The following UNC13C variants were observed in gnomAD, a reference collection of about 807,000 sequenced individuals.
UNC13C encodes the protein unc-13 homolog C, also known as protein unc-13 homolog C.
In UNC13C, 174 loss-of-function variants were observed where a neutral mutation model predicts 245.4. That is an observed-to-expected ratio of 0.71 (90% CI 0.63 to 0.80). UNC13C has a LOEUF of 0.80. Ranked by LOEUF, UNC13C falls within the 30% of genes least tolerant of loss-of-function variation. UNC13C has a pLI of 0.00. For synonymous variants in UNC13C, 992 were observed against 895.1 expected (o/e 1.11, Z -1.93); for missense variants, 2,829 against 2,602.9 (o/e 1.09, Z -1.89).
At chr15:54,007,270 G>A (rs1483377017) in intron 1 of UNC13C, among the ~76,000 whole-genome samples, 1 of 152,074 alleles carries the variant, frequency 6.6e-6, no homozygotes, top group Non-Finnish European at 1.5e-5. Context: ...TTAAGACTAA[G>A]GTTATTCTAT....
intron 17 of UNC13C, among the ~76,000 whole-genome samples, chr15:54,343,344 G>C (rs2038781335): frequency 1.3e-5 from 2 of 151,952 alleles, no homozygotes; most frequent in Non-Finnish European, 2.9e-5. Context: ...CGTTAGCCAG[G>C]CTGGGCTCGA....
intron 2 of UNC13C, among the ~76,000 whole-genome samples, chr15:54,041,854 G>A (rs1896818291): frequency 6.6e-6 from 1 of 152,134 alleles, no homozygotes; most frequent in Non-Finnish European, 1.5e-5. Flanking sequence ...GTAATAAATA[G>A]TACTTTGTTT....
chr15:54,110,100 G>C lies in UNC13C; in HGVS notation c.2984-32918G>C, dbSNP rs1900690668. ...TAAGAACAGCCTGGCCGATATAGTGGAACCCAGTCTCTACTAAAAATATAA... is the reference window on the plus strand; with the variant it reads ...TAAGAACAGCCTGGCCGATATAGTGCAACCCAGTCTCTACTAAAAATATAA... On this transcript the variant is annotated intron_variant, in intron 2 of 32. Coordinates refer to ENST00000260323, the MANE Select transcript of UNC13C (RefSeq NM_001080534.3). Among the ~76,000 whole-genome samples the C allele has an allele frequency of 3.3e-5, 5 of 151,972 alleles. 1 individual carries two copies. In the South Asian group the frequency reaches 1.0e-3, roughly 32 times the overall value.
At chr15:54,277,853 G>GA (rs907972384) in intron 10 of UNC13C, among the ~76,000 whole-genome samples, 4 of 152,006 alleles carry the variant, frequency 2.6e-5, no homozygotes, top group Admixed American at 1.3e-4. Context: ...TAATGTTGTA[G>GA]AAAAAAATGA....
intron 4 of UNC13C, among the ~76,000 whole-genome samples, chr15:54,225,404 A>T (rs980407413): frequency 1.3e-5 from 2 of 152,344 alleles, no homozygotes; most frequent in Middle Eastern, 3.4e-3. Flanking sequence ...TTTGGGCAGT[A>T]TGCCCATTTT....
Position 54,627,227 on chromosome 15 carries a change from C to T in UNC13C, c.*114C>T, listed in dbSNP as rs1038084675. 25 of 1,106,696 alleles carry T rather than the reference C, an allele frequency of 2.3e-5. No individual in the cohort carries two copies. In the East Asian group the frequency reaches 2.3e-4, roughly 10 times the overall value. 68.6% of individuals were successfully genotyped at this position (1,106,696 alleles called of 1,614,324 possible). On this transcript the variant is annotated 3_prime_UTR_variant, in exon 33 of 33. Coordinates refer to ENST00000260323, the MANE Select transcript of UNC13C (RefSeq NM_001080534.3). ...TTCAATGTTTGCCAGTACTCATGTA[C>T]GATGTCTACAAGGTATGTAAAAAAC...
chr15:54,014,146 G>C lies in UNC13C; in HGVS notation c.1243G>C (p.Glu415Gln). 2 of 1,613,792 alleles carry C rather than the reference G, an allele frequency of 1.2e-6. No individual in the cohort carries two copies. Among genetic ancestry groups the C allele is most frequent in the Non-Finnish European group, 1.7e-6 (2 of 1,179,826 alleles). Reference sequence around the variant, plus strand: ...AGATATTCTAACTCATGACATCAGAGAAAGAAAAGAGAAAGGGATACCATC... The same window carrying C: ...AGATATTCTAACTCATGACATCAGACAAAGAAAAGAGAAAGGGATACCATC... ...STDILTHDIR[E>Q]RKEKGIPSSQ... The change falls in exon 2 of 33, where the codon GAA becomes CAA. Residue 415 changes from glutamate to glutamine, a missense_variant. Glu to Gln is a conservative substitution (Grantham distance 29, BLOSUM62 2). Coordinates refer to ENST00000260323, the MANE Select transcript of UNC13C (RefSeq NM_001080534.3).
At chr15:54,571,107 C>G (rs1897734540) in intron 30 of UNC13C, among the ~76,000 whole-genome samples, 1 of 152,056 alleles carries the variant, frequency 6.6e-6, no homozygotes, top group Non-Finnish European at 1.5e-5. Flanking sequence ...GGCATGGTGT[C>G]AAAAATGACC....
chr15:54,102,895 T>C (rs1038361297), intron 2 of UNC13C, among the ~76,000 whole-genome samples: 16 of 152,220 alleles, frequency 1.1e-4, no homozygotes, highest in African/African-American at 3.9e-4. Context: ...TTGCCATAGT[T>C]CTGGTGTCAC....
In UNC13C at chr15:54,084,198, G is replaced by C. The variant is rs530127770; in HGVS notation, c.2984-58820G>C. 7.9e-5 allele frequency among the ~76,000 whole-genome samples: 12 copies of C among 152,314 alleles called. No individual in the cohort carries two copies. In the East Asian group the frequency reaches 2.1e-3, roughly 27 times the overall value. On this transcript the variant is annotated intron_variant, in intron 2 of 32. Transcript: ENST00000260323. ...CTCTCTTCCCTCAGTTTTCTCTTGA[G>C]AGCCCGTCCATTCACAGTAACTGTG...
chr15:54,256,719 A>G (rs1237726214), intron 8 of UNC13C, among the ~76,000 whole-genome samples: 2 of 152,194 alleles, frequency 1.3e-5, no homozygotes, highest in African/African-American at 4.8e-5. Context: ...AGAGTTTGGT[A>G]CTATCTGCGG....
chr15:54,248,747 G>A (rs1413271473), intron 7 of UNC13C, among the ~76,000 whole-genome samples: 1 of 152,130 alleles, frequency 6.6e-6, no homozygotes, highest in African/African-American at 2.4e-5. Context: ...GCTCTGGATT[G>A]TCCAGCCCCT....
Position 54,156,768 on chromosome 15 carries a change from A to C in UNC13C, c.3071+13084A>C, listed in dbSNP as rs1484680827. ...GTAGAGAAGCTGGACGGTGCCTGCA[A>C]CTGTGGTTCAAAACTAGACATATTT... On this transcript the variant is annotated intron_variant, in intron 4 of 32. Transcript: ENST00000260323. Among the ~76,000 whole-genome samples the C allele has an allele frequency of 1.3e-5, 2 of 151,660 alleles. 1 individual carries two copies. Among genetic ancestry groups the C allele is most frequent in the African/African-American group, 4.9e-5 (2 of 41,188 alleles).
the UNC13C span, among the ~76,000 whole-genome samples, chr15:53,880,471 A>C: frequency 6.6e-6 from 1 of 152,216 alleles, no homozygotes; most frequent in South Asian, 2.1e-4. Flanking sequence ...TTCAAAGAGC[A>C]CTGTGTGCAG....
At chr15:54,400,071 T>A (rs2040150768) in intron 18 of UNC13C, among the ~76,000 whole-genome samples, 1 of 151,988 alleles carries the variant, frequency 6.6e-6, no homozygotes, top group African/African-American at 2.4e-5. Flanking sequence ...TTTCACCTTC[T>A]TTTTCTTTTG....
chr15:54,030,862 A>G (rs572663746), intron 2 of UNC13C, among the ~76,000 whole-genome samples: 1 of 152,138 alleles, frequency 6.6e-6, no homozygotes, highest in Non-Finnish European at 1.5e-5. Flanking sequence ...ATAAGAGCCC[A>G]AAATCCTATT....
At chr15:54,367,962 G>C (rs1358373017) in intron 17 of UNC13C, among the ~76,000 whole-genome samples, 1 of 151,970 alleles carries the variant, frequency 6.6e-6, no homozygotes, top group East Asian at 1.9e-4. Flanking sequence ...CATAACTCTG[G>C]AACTCAGAAC....
At chr15:54,525,528 T>C in intron 24 of UNC13C, 21 bp from the exon 25 acceptor site, 1 of 1,595,316 alleles carries the variant, frequency 6.3e-7, no homozygotes, top group Middle Eastern at 1.7e-4. Flanking sequence ...CAAAGTAATA[T>C]TGTTTATGGT....
chr15:54,227,031 A>G (rs1023217205), intron 4 of UNC13C, among the ~76,000 whole-genome samples: 1 of 152,124 alleles, frequency 6.6e-6, no homozygotes, highest in African/African-American at 2.4e-5. Context: ...CTCACCATTC[A>G]GTGGGTCCTG....
Sources: gnomAD v4.1 joint callset for allele counts (sites outside exome capture counted in the v4.1 genomes callset) on GRCh38, gnomAD v4.1.1 for gene constraint, MANE v1.5 for transcripts, NCBI Gene and HGNC (gene_info 2026-07-23, HGNC 2026-07-21) for gene names.